CTNND1: variants seen among roughly 807,000 people sequenced by gnomAD.
The protein encoded by CTNND1 is catenin delta-1.
Under a neutral mutation model 112.1 loss-of-function variants are expected in CTNND1, and 16 were observed. That is an observed-to-expected ratio of 0.14 (90% CI 0.10 to 0.22). The LOEUF is 0.22. Ranked by LOEUF, CTNND1 falls within the 10% of genes least tolerant of loss-of-function variation. CTNND1 has a pLI of 1.00. For missense variants in CTNND1, 1,008 were observed against 1,257.0 expected (o/e 0.80, Z 3.00); for synonymous variants, 420 against 446.5 (o/e 0.94, Z 0.75).
At chr11:57,789,350 C>T (rs974882138) in intron 2 of CTNND1, among the ~76,000 whole-genome samples, 195 bp downstream of exon 2, 1 of 152,068 alleles carries the variant, frequency 6.6e-6, no homozygotes, top group Non-Finnish European at 1.5e-5. Flanking sequence ...TTTGGACTGG[C>T]ATAAAGTCTT....
intron 3 of CTNND1, among the ~76,000 whole-genome samples, chr11:57,791,907 T>C (rs1398885987): frequency 6.6e-6 from 1 of 152,202 alleles, no homozygotes; most frequent in African/African-American, 2.4e-5. Flanking sequence ...CCTGTTTTGC[T>C]GGAGTAGGTT....
Position 57,791,641 on chromosome 11 carries a change from A to G in CTNND1, c.163A>G (p.Met55Val), listed in dbSNP as rs1162775474. ...RVSPQDANPL[M>V]ANGTLTRRHQ... ...CTCACCACAAGATGCCAACCCACTCATGGCCAACGGCACACTCACCCGCCG... is the reference window on the plus strand; with the variant it reads ...CTCACCACAAGATGCCAACCCACTCGTGGCCAACGGCACACTCACCCGCCG... The change falls in exon 3 of 21, where the codon ATG (methionine) becomes GTG (valine). Residue 55 changes from methionine to valine, a missense_variant. By Grantham distance (21) the Met-to-Val change is conservative. Coordinates refer to ENST00000399050, the MANE Select transcript of CTNND1 (RefSeq NM_001085458.2). The G allele has an allele frequency of 6.3e-7, 1 of 1,590,612 alleles. No homozygotes were observed. The highest frequency in any genetic ancestry group is 8.6e-7 in the Non-Finnish European group (1 of 1,165,970).
intron 1 of CTNND1, among the ~76,000 whole-genome samples, chr11:57,784,865 G>A (rs187792456): frequency 7.2e-5 from 11 of 152,312 alleles, no homozygotes; most frequent in Non-Finnish European, 1.2e-4. Context: ...AGCTGCCTTT[G>A]AGACTGGCTC....
intron 1 of CTNND1, among the ~76,000 whole-genome samples, chr11:57,782,322 T>G (rs2059664201): frequency 6.6e-6 from 1 of 152,208 alleles, no homozygotes; most frequent in Non-Finnish European, 1.5e-5. Context: ...ACCTAGTTTT[T>G]CCTCATGAAA....
chr11:57,794,433 G>A (rs2061117408), intron 4 of CTNND1, among the ~76,000 whole-genome samples: 2 of 152,150 alleles, frequency 1.3e-5, no homozygotes, highest in Non-Finnish European at 2.9e-5. Flanking sequence ...TATCTGAAGA[G>A]TAACATAAAG....
chr11:57,804,240 C>T (rs1480831510), intron 8 of CTNND1, among the ~76,000 whole-genome samples: 1 of 152,180 alleles, frequency 6.6e-6, no homozygotes, highest in African/African-American at 2.4e-5. Flanking sequence ...TTCTGTGATG[C>T]CTTTCTCTTC....
rs537670299 is a variant in CTNND1, at chr11:57,801,807, G to A, written c.1031G>A (p.Arg344Gln). 3.7e-5 allele frequency: 59 copies of A among 1,614,024 alleles called. No homozygotes were observed. Among genetic ancestry groups the A allele is most frequent in the Non-Finnish European group, 4.7e-5 (55 of 1,179,888 alleles). The change falls in exon 7 of 21, where the codon CGA becomes CAA. Residue 344 changes from arginine (R) to glutamine (Q), a missense_variant. Arg to Gln is a conservative substitution (Grantham distance 43). Around this residue, in one of 5 missense-constraint regions of CTNND1, gnomAD observed 216 missense variants for 342.8 expected, o/e 0.63. Transcript: ENST00000399050. ...TGGGCTCCTTTGGCCCAGCATGAGC[G>A]AGGAAGTTTAGCAAGCTTGGATAGC... The part of the protein sequence containing the change: ...YYWAPLAQHE[R>Q]GSLASLDSLR...
chr11:57,811,050 C>G (rs2063296666), intron 16 of CTNND1, among the ~76,000 whole-genome samples: 1 of 152,098 alleles, frequency 6.6e-6, no homozygotes, highest in South Asian at 2.1e-4. Context: ...AGGTATCCCT[C>G]TATGTCATAA....
chr11:57,809,375 A>G lies in CTNND1; in HGVS notation c.2344A>G (p.Ile782Val), dbSNP rs374424497. The change falls in exon 15 of 21, where the codon ATC (isoleucine) becomes GTC (valine). Residue 782 changes from isoleucine to valine, a missense_variant. Physicochemically the swap from Ile to Val is conservative, Grantham distance 29. Coordinates refer to ENST00000399050, the MANE Select transcript of CTNND1 (RefSeq NM_001085458.2). Reference protein sequence around the residue: ...EDTVISILNTINEVIAENLEA... With the variant: ...EDTVISILNTVNEVIAENLEA... ...CACTGTCATCTCTATTTTGAACACT[A>G]TCAACGAGGTTATCGCTGAGAACTT... 4.6e-5 allele frequency: 74 copies of G among 1,613,952 alleles called. No individual in the cohort carries two copies. Among genetic ancestry groups the G allele is most frequent in the Admixed American group, 1.0e-4 (6 of 60,030 alleles).
At chr11:57,804,837 G>C (rs759101108) in intron 9 of CTNND1, 57 bp downstream of exon 9, 1 of 1,250,280 alleles carries the variant, frequency 8.0e-7, no homozygotes, top group Non-Finnish European at 1.2e-6. Flanking sequence ...CAACTATGAA[G>C]TATCTGTAGG....
chr11:57,792,983 A>G (rs1236654767), intron 3 of CTNND1, among the ~76,000 whole-genome samples: 3 of 152,160 alleles, frequency 2.0e-5, no homozygotes, highest in Non-Finnish European at 4.4e-5. Context: ...GAACTACAAT[A>G]GAAAGTTAGG....
chr11:57,778,970 C>T (rs1019830482), intron 1 of CTNND1, among the ~76,000 whole-genome samples: 5 of 152,182 alleles, frequency 3.3e-5, no homozygotes, highest in Admixed American at 2.0e-4. Flanking sequence ...TGCGTTTTAG[C>T]ACTTAAGTTA....
chr11:57,785,877 C>G (rs1167491468), intron 1 of CTNND1, among the ~76,000 whole-genome samples: 1 of 151,442 alleles, frequency 6.6e-6, no homozygotes, highest in African/African-American at 2.4e-5. Flanking sequence ...TTTGGACCTC[C>G]TATCTGGTTA....
chr11:57,784,409 C>CAAA (rs71061541), intron 1 of CTNND1, among the ~76,000 whole-genome samples: 55 of 115,502 alleles, frequency 4.8e-4, no homozygotes, highest in Admixed American at 1.4e-3. Flanking sequence ...GATCCTGTCT[C>CAAA]AAAAAAAAAA....
At position 57,811,591 on chromosome 11, in the gene CTNND1, T is replaced by C. The variant is rs1042101929; in HGVS notation, c.2638+105T>C. On this transcript the variant is annotated intron_variant, in intron 17 of 20. Transcript: ENST00000399050. ...ATTATTTCTGAATTAGCTAGCCTTTTGTGGGAGGGGAATAATTTTCCACTC... is the reference window on the plus strand; with the variant it reads ...ATTATTTCTGAATTAGCTAGCCTTTCGTGGGAGGGGAATAATTTTCCACTC... The C allele has an allele frequency of 6.7e-6, 5 of 748,324 alleles. No individual in the cohort carries two copies. The African/African-American group carries it at 8.8e-5, about 13-fold the overall frequency. The allele number at this position is 748,324 out of a possible 1,614,324, so 46.4% of individuals were successfully genotyped here.
At position 57,794,063 on chromosome 11, in the gene CTNND1, G is replaced by A; in HGVS notation, c.249G>A (p.Leu83=). Residue 83 remains leucine, a synonymous_variant, in exon 4 of 21, where the codon TTG becomes TTA. Coordinates refer to ENST00000399050, the MANE Select transcript of CTNND1 (RefSeq NM_001085458.2). The stretch of plus-strand genomic sequence containing the variant: ...TTGAAAGACAGAAATTTTCAGATTT[G>A]AAACTCAACGGACCCCAGGTAATTC... ...ADLERQKFSD[L]KLNGPQDHSH... 6.2e-7 allele frequency: 1 copy of A among 1,613,964 alleles called. No individual in the cohort carries two copies. Among genetic ancestry groups the A allele is most frequent in the Non-Finnish European group, 8.5e-7 (1 of 1,179,890 alleles).
At chr11:57,811,279 A>G in intron 16 of CTNND1, 120 bp from the exon 17 acceptor site, 5 of 716,576 alleles carry the variant, frequency 7.0e-6, no homozygotes, top group South Asian at 3.7e-5. Context: ...TTCAACTCTT[A>G]TAAGTTGCTT....
At chr11:57,772,764 G>A (rs1591200383) in intron 1 of CTNND1, among the ~76,000 whole-genome samples, 1 of 151,986 alleles carries the variant, frequency 6.6e-6, no homozygotes, top group East Asian at 1.9e-4. Context: ...GGTTTAGCTG[G>A]TCTGTCCCTC....
intron 7 of CTNND1, among the ~76,000 whole-genome samples, chr11:57,802,550 A>G (rs1464146409): frequency 1.3e-5 from 2 of 152,216 alleles, no homozygotes; most frequent in African/African-American, 4.8e-5. Context: ...ACATTCTATT[A>G]TCTGACCAAC....
Sources: allele counts gnomAD v4.1 joint callset (sites outside exome capture counted in the v4.1 genomes callset), GRCh38; gene constraint gnomAD v4.1.1; regional missense constraint gnomAD v4.1.1; transcripts MANE v1.5; gene names NCBI Gene and HGNC (gene_info 2026-07-23, HGNC 2026-07-21).